MGAT4C: variants seen among roughly 807,000 people sequenced by gnomAD.
The protein encoded by MGAT4C is MGAT4 family member C.
In MGAT4C, 19 loss-of-function variants were observed where a neutral mutation model predicts 40.1. That is an observed-to-expected ratio of 0.47 (90% CI 0.33 to 0.70). The LOEUF (loss-of-function observed/expected upper bound fraction) is 0.70. MGAT4C is among the 30% of genes least tolerant of loss of function. The probability of loss-of-function intolerance (pLI) is 0.02; values close to 1 mark genes in which losing one functional copy is unlikely to be tolerated. For missense variants in MGAT4C, 491 were observed against 563.2 expected, an observed-to-expected ratio of 0.87 and a Z score of 1.30; for synonymous variants, 181 against 187.1, an observed-to-expected ratio of 0.97 and a Z score of 0.27.
chr12:86,329,102 CAATA>C (rs59833458), intron 4 of MGAT4C, among the ~76,000 whole-genome samples: 3,531 of 139,318 alleles, frequency 0.025, 71 homozygotes, highest in African/African-American at 0.058. Flanking sequence ...GACTCCATTT[CAATA>C]AATAAATAAA....
chr12:86,189,377 C>T (rs979177003), intron 1 of MGAT4C, among the ~76,000 whole-genome samples: 3 of 151,652 alleles, frequency 2.0e-5, no homozygotes, highest in Non-Finnish European at 4.4e-5. Flanking sequence ...ACCTATAGCC[C>T]TTCATAGTAC....
intron 2 of MGAT4C, among the ~76,000 whole-genome samples, chr12:86,669,117 G>A (rs1964188653): frequency 6.6e-6 from 1 of 152,004 alleles, no homozygotes; most frequent in Non-Finnish European, 1.5e-5. Flanking sequence ...TCTGCTCTAT[G>A]CCCAGGTAGA....
chr12:86,207,301 C>A (rs1003003343), intron 1 of MGAT4C, among the ~76,000 whole-genome samples: 9 of 151,912 alleles, frequency 5.9e-5, no homozygotes, highest in Non-Finnish European at 1.3e-4. Flanking sequence ...TACTTCAAGT[C>A]CTGGGTTACA....
At chr12:86,288,819 T>C (rs1953425555) in intron 4 of MGAT4C, among the ~76,000 whole-genome samples, 1 of 152,166 alleles carries the variant, frequency 6.6e-6, no homozygotes, top group South Asian at 2.1e-4. Flanking sequence ...TAGACCTTTG[T>C]TGGACGCACA....
intron 1 of MGAT4C, among the ~76,000 whole-genome samples, chr12:86,770,872 G>A (rs1951620872): frequency 1.3e-5 from 2 of 152,056 alleles, no homozygotes; most frequent in South Asian, 4.1e-4. Context: ...TTATAAATAT[G>A]ACATGAGCTT....
At chr12:86,597,407 A>G (rs769281679) in intron 2 of MGAT4C, among the ~76,000 whole-genome samples, 10 of 152,214 alleles carry the variant, frequency 6.6e-5, no homozygotes, top group Non-Finnish European at 1.2e-4. Context: ...AGAGGGAGAA[A>G]TGAAAATAAA....
chr12:86,583,359 T>C (rs1960872729), intron 2 of MGAT4C, among the ~76,000 whole-genome samples: 1 of 151,366 alleles, frequency 6.6e-6, no homozygotes. Flanking sequence ...AAATATTCAA[T>C]GACTTTTCTC....
intron 3 of MGAT4C, among the ~76,000 whole-genome samples, chr12:86,420,277 G>A (rs1956794894): frequency 1.3e-5 from 2 of 152,074 alleles, no homozygotes; most frequent in Non-Finnish European, 1.5e-5. Flanking sequence ...AGTTACTCTC[G>A]AGGCGGGAGT....
chr12:86,481,546 G>A (rs1249164820), intron 2 of MGAT4C, among the ~76,000 whole-genome samples: 1 of 151,884 alleles, frequency 6.6e-6, no homozygotes, highest in African/African-American at 2.4e-5. Context: ...CTTCATAGCA[G>A]TATTATTTGC....
At position 85,984,732 on chromosome 12, in the gene MGAT4C, CT is replaced by C. The variant is rs894338680; in HGVS notation, c.148-1063del. On this transcript the variant is annotated intron_variant, in intron 3 of 4. Coordinates refer to ENST00000611864, the MANE Select transcript of MGAT4C (RefSeq NM_001351288.2). ...GAAAGAAATATTTCTCTCTCTCTCT[CT>C]TTTTTTTTCTCAAAATGTGCACTCT... Among the ~76,000 whole-genome samples, 309 of 150,914 alleles carry C rather than the reference CT, an allele frequency of 2.0e-3. 2 individuals are homozygous for C. Among genetic ancestry groups the C allele is most frequent in the African/African-American group, 6.4e-3 (262 of 41,064 alleles).
intron 2 of MGAT4C, among the ~76,000 whole-genome samples, chr12:86,629,418 A>G (rs1000163270): frequency 3.9e-5 from 6 of 152,184 alleles, no homozygotes; most frequent in African/African-American, 1.2e-4. Flanking sequence ...AGACATCTAC[A>G]GAACTGTCCA....
At chr12:86,496,616 A>G (rs1351821209) in intron 2 of MGAT4C, among the ~76,000 whole-genome samples, 1 of 152,046 alleles carries the variant, frequency 6.6e-6, no homozygotes. Flanking sequence ...TGTTTTCAAG[A>G]AAGAGAAGCT....
In MGAT4C at chr12:86,594,324, T is replaced by C. The variant is rs76207810; in HGVS notation, c.-229+132885A>G. Among the ~76,000 whole-genome samples, 1,233 of 152,024 alleles carry C rather than the reference T, an allele frequency of 8.1e-3. 11 individuals carry two copies. Among genetic ancestry groups the C allele is most frequent in the Admixed American group, 0.012 (188 of 15,254 alleles). ...TTTCATTTCACTAAGCTGGGAGGAG[T>C]TGTTTATCAATTTTAGTATATTTAA... On this transcript the variant is annotated intron_variant, in intron 2 of 7. Coordinates refer to the MGAT4C transcript ENST00000548651.
At chr12:86,083,907 A>G (rs1871287369) in intron 1 of MGAT4C, among the ~76,000 whole-genome samples, 1 of 152,050 alleles carries the variant, frequency 6.6e-6, no homozygotes, top group African/African-American at 2.4e-5. Context: ...AATAATTGAG[A>G]GAAGAGATGT....
intron 3 of MGAT4C, among the ~76,000 whole-genome samples, chr12:86,423,239 A>G (rs1195591219): frequency 6.6e-6 from 1 of 152,052 alleles, no homozygotes; most frequent in Non-Finnish European, 1.5e-5. Flanking sequence ...CATATTTCAC[A>G]TCATACAGAC....
At chr12:86,026,527 C>A (rs1307946166) in intron 2 of MGAT4C, among the ~76,000 whole-genome samples, 1 of 151,882 alleles carries the variant, frequency 6.6e-6, no homozygotes, top group Non-Finnish European at 1.5e-5. Context: ...TTAACCCACT[C>A]CCTTAGTTCC....
At chr12:86,706,527 G>C (rs945248270) in intron 2 of MGAT4C, among the ~76,000 whole-genome samples, 1 of 152,096 alleles carries the variant, frequency 6.6e-6, no homozygotes, top group Admixed American at 6.6e-5. Flanking sequence ...CAAAGGGCTA[G>C]GTTTACAGGC....
intron 1 of MGAT4C, among the ~76,000 whole-genome samples, chr12:86,833,210 C>T (rs1952966678): frequency 6.6e-6 from 1 of 151,656 alleles, no homozygotes; most frequent in African/African-American, 2.4e-5. Flanking sequence ...CCTTGGATAT[C>T]CTAGGAGAGG....
At chr12:86,262,654 C>T (rs1235905246) in intron 4 of MGAT4C, among the ~76,000 whole-genome samples, 1 of 151,982 alleles carries the variant, frequency 6.6e-6, no homozygotes, top group Non-Finnish European at 1.5e-5. Context: ...TTTTAGAGTA[C>T]ATTCATATAT....
Sources: gnomAD v4.1 joint callset for allele counts (sites outside exome capture counted in the v4.1 genomes callset) on GRCh38, gnomAD v4.1.1 for gene constraint, MANE v1.5 for transcripts, NCBI Gene and HGNC (gene_info 2026-07-23, HGNC 2026-07-21) for gene names.